The following MYOM2 variants were observed in gnomAD, a reference collection of about 807,000 sequenced individuals.
MYOM2 encodes the protein myomesin-2.
A neutral mutation model predicts 187.6 loss-of-function variants in MYOM2; 254 were observed. The ratio of observed to expected loss-of-function variants is 1.35; its 90% CI spans 1.22 to 1.50. The LOEUF (loss-of-function observed/expected upper bound fraction) is 1.50, where lower values mean the gene tolerates loss of function less well. MYOM2 is among the 40% of genes most tolerant of loss of function. The probability of loss-of-function intolerance (pLI) is 0.00; values close to 1 mark genes in which losing one functional copy is unlikely to be tolerated. For synonymous variants in MYOM2, 981 were observed against 753.8 expected (o/e 1.30, Z -4.94); for missense variants, 2,796 against 1,924.0 (o/e 1.45, Z -8.48).
At chr8:2,086,954 A>T (rs1029762741) in intron 14 of MYOM2, among the ~76,000 whole-genome samples, 3 of 152,012 alleles carry the variant, frequency 2.0e-5, no homozygotes, top group African/African-American at 4.8e-5. Context: ...TTTTTCCTGA[A>T]TGCATACAAA....
chr8:2,136,192 A>G (rs952634850), intron 32 of MYOM2, among the ~76,000 whole-genome samples: 10 of 152,336 alleles, frequency 6.6e-5, no homozygotes, highest in African/African-American at 2.4e-4. Context: ...ATTGGGGTTG[A>G]AGGTGGCTGC....
At chr8:2,115,164 C>CA (rs66740208) in intron 25 of MYOM2, among the ~76,000 whole-genome samples, 60,260 of 143,880 alleles carry the variant, frequency 0.42, 12,643 homozygotes, top group East Asian at 0.48. Flanking sequence ...AGGCAACCAG[C>CA]AAAAAAAAAA....
intron 15 of MYOM2, among the ~76,000 whole-genome samples, 188 bp from the exon 16 acceptor site, chr8:2,092,158 A>G (rs1796325019): frequency 6.6e-6 from 1 of 152,036 alleles, no homozygotes; most frequent in Non-Finnish European, 1.5e-5. Context: ...CAGAGAGACC[A>G]GCACCTCCCA....
At chr8:2,076,876 C>G (rs1265397861) in intron 11 of MYOM2, among the ~76,000 whole-genome samples, 2 of 152,206 alleles carry the variant, frequency 1.3e-5, no homozygotes, top group African/African-American at 4.8e-5. Flanking sequence ...GTACTGGGGA[C>G]AGCGCTTGGA....
chr8:2,091,016 CTTTTT>C (rs35873643), intron 15 of MYOM2, among the ~76,000 whole-genome samples: 3 of 86,526 alleles, frequency 3.5e-5, no homozygotes, highest in African/African-American at 4.5e-5. Flanking sequence ...AATGATAGTT[CTTTTT>C]TTTTTTTTTT....
At position 2,068,893 on chromosome 8, in the gene MYOM2, C is replaced by G. The variant is rs114593082; in HGVS notation, c.654-385C>G. Among the ~76,000 whole-genome samples, 535 of 152,322 alleles carry G rather than the reference C, an allele frequency of 3.5e-3. 9 individuals are homozygous for G. Among genetic ancestry groups the G allele is most frequent in the African/African-American group, 0.012 (513 of 41,574 alleles). On this transcript the variant is annotated intron_variant, in intron 6 of 36. Coordinates refer to ENST00000262113, the MANE Select transcript of MYOM2 (RefSeq NM_003970.4). Reference sequence around the variant, plus strand: ...CTGTATCATCCCATCACGACTGGTTCTGCTGGAGCTTGAGGTCACGGGAGG... The same window carrying G: ...CTGTATCATCCCATCACGACTGGTTGTGCTGGAGCTTGAGGTCACGGGAGG...
chr8:2,114,121 G>C (rs1051461843), intron 25 of MYOM2, among the ~76,000 whole-genome samples: 1 of 152,200 alleles, frequency 6.6e-6, no homozygotes, highest in Non-Finnish European at 1.5e-5. Context: ...GGCTGCATTC[G>C]GGTGAGGTGG....
chr8:2,068,129 C>T (rs181648321), intron 6 of MYOM2, among the ~76,000 whole-genome samples: 6 of 152,170 alleles, frequency 3.9e-5, no homozygotes, highest in East Asian at 3.9e-4. Flanking sequence ...TGCTCGTGTG[C>T]GCCAGGCAGA....
chr8:2,129,332 C>T, intron 32 of MYOM2, 100 bp downstream of exon 32: 1 of 671,284 alleles, frequency 1.5e-6, no homozygotes, highest in Non-Finnish European at 2.6e-6. Context: ...AAGGCACTGC[C>T]ATTTCCCCTC....
chr8:2,072,430 G>GA lies in MYOM2; in HGVS notation c.880dup (p.Thr294AsnfsTer27). Reference sequence around the variant, plus strand: ...GGGTCACCTTCAGGAGGGAAGGCGAGACGGTCACTCTCAAGTGCACCATGC... The same window carrying GA: ...GGGTCACCTTCAGGAGGGAAGGCGAGAACGGTCACTCTCAAGTGCACCATGC... On this transcript the variant is annotated frameshift_variant, in exon 9 of 37. Coordinates refer to ENST00000262113, the MANE Select transcript of MYOM2 (RefSeq NM_003970.4). LOFTEE classifies it high-confidence loss of function. The GA allele has an allele frequency of 6.2e-7, 1 of 1,614,206 alleles. No individual in the cohort carries two copies. Among genetic ancestry groups the GA allele is most frequent in the Non-Finnish European group, 8.5e-7 (1 of 1,180,048 alleles).
At chr8:2,074,905 G>C (rs990323468) in intron 10 of MYOM2, among the ~76,000 whole-genome samples, 10 of 152,208 alleles carry the variant, frequency 6.6e-5, no homozygotes, top group Non-Finnish European at 1.5e-4. Context: ...GCGCCATGTA[G>C]CTGCTGCTGC....
At chr8:2,071,269 A>G (rs1819205767) in intron 8 of MYOM2, among the ~76,000 whole-genome samples, 1 of 152,060 alleles carries the variant, frequency 6.6e-6, no homozygotes. Context: ...TGCTGGGATT[A>G]CAGGCATGAG....
chr8:2,066,955 A>T (rs1189587773), intron 6 of MYOM2, among the ~76,000 whole-genome samples: 1 of 152,190 alleles, frequency 6.6e-6, no homozygotes, highest in African/African-American at 2.4e-5. Context: ...GGTGAACTAG[A>T]AGATAATGTT....
At chr8:2,131,489 CT>C (rs1426711146) in intron 32 of MYOM2, among the ~76,000 whole-genome samples, 7 of 151,846 alleles carry the variant, frequency 4.6e-5, no homozygotes, top group African/African-American at 1.7e-4. Flanking sequence ...ATGCATCTGA[CT>C]CATCAGTGAC....
chr8:2,079,482 C>A, intron 12 of MYOM2, 78 bp from the exon 13 acceptor site: 3 of 1,389,184 alleles, frequency 2.2e-6, no homozygotes, highest in Non-Finnish European at 2.0e-6. Context: ...AGATGCAGAG[C>A]TGGCACAGAA....
At chr8:2,063,787 C>A (rs528405145) in intron 6 of MYOM2, among the ~76,000 whole-genome samples, 2 of 152,332 alleles carry the variant, frequency 1.3e-5, no homozygotes, top group Middle Eastern at 6.8e-3. Flanking sequence ...GAACCAGCTT[C>A]TCCCAGGGGG....
chr8:2,087,342 C>A (rs1401680748), intron 14 of MYOM2, among the ~76,000 whole-genome samples: 1 of 152,118 alleles, frequency 6.6e-6, no homozygotes, highest in African/African-American at 2.4e-5. Flanking sequence ...GGAATGGAAA[C>A]GAACCATATT....
At chr8:2,128,078 A>C (rs1395218515) in intron 31 of MYOM2, among the ~76,000 whole-genome samples, 1 of 152,156 alleles carries the variant, frequency 6.6e-6, no homozygotes, top group Non-Finnish European at 1.5e-5. Context: ...ATTCACTTTA[A>C]AAAATAATTA....
chr8:2,097,913 C>T (rs1367583424), intron 18 of MYOM2: 1 of 152,212 alleles, frequency 6.6e-6, no homozygotes, highest in Non-Finnish European at 1.5e-5. Context: ...AGAACTCGCC[C>T]CTCCTGTTGC....
Sources: gnomAD v4.1 joint callset for allele counts (sites outside exome capture counted in the v4.1 genomes callset) on GRCh38, gnomAD v4.1.1 for gene constraint, MANE v1.5 for transcripts, NCBI Gene and HGNC (gene_info 2026-07-23, HGNC 2026-07-21) for gene names.